Variants in ANKRD13C observed in about 807,000 individuals in gnomAD.
ANKRD13C encodes the protein ankyrin repeat domain-containing protein 13C.
ANKRD13C carries 16 observed loss-of-function variants against 65.5 expected under a neutral mutation model. The observed-to-expected ratio is 0.24, with a 90% CI of 0.17 to 0.37. ANKRD13C has a LOEUF of 0.37. Among genes scored for constraint, ANKRD13C ranks in the 10% least tolerant of loss-of-function variants. ANKRD13C has a pLI of 1.00. For missense variants in ANKRD13C, 503 were observed against 655.9 expected (o/e 0.77, Z 2.55); for synonymous variants, 235 against 238.7 (o/e 0.98, Z 0.14).
chr1:70,354,133 C>A lies in ANKRD13C; in HGVS notation c.276G>T (p.Pro92=). Residue 92 remains proline, a synonymous_variant, in exon 1 of 13, where the codon CCG becomes CCT. Coordinates refer to ENST00000370944, the MANE Select transcript of ANKRD13C (RefSeq NM_030816.5). The part of the protein sequence containing the change: ...NSSVTANSQS[P]ALLAGTNPVA... ...CGGGGTTGGTGCCGGCCAGAAGGGC[C>A]GGGGACTGGGAGTTGGCAGTCACGG... 1 of 1,613,870 alleles carries A rather than the reference C, an allele frequency of 6.2e-7. No individual in the cohort carries two copies. Among genetic ancestry groups the A allele is most frequent in the Non-Finnish European group, 8.5e-7 (1 of 1,179,884 alleles).
In ANKRD13C at chr1:70,270,519, G is replaced by A. The variant is rs537152882; in HGVS notation, c.1495+337C>T. The stretch of plus-strand genomic sequence containing the variant: ...TTTTCCACAGACTGGTGGGGACTGG[G>A]GAGGGCTTTGGAATGAAACTGTTCC... On this transcript the variant is annotated intron_variant, in intron 12 of 12. Coordinates refer to ENST00000370944, the MANE Select transcript of ANKRD13C (RefSeq NM_030816.5). Among the ~76,000 whole-genome samples, 9 of 152,276 alleles carry A rather than the reference G, an allele frequency of 5.9e-5. No individual in the cohort carries two copies. The South Asian group carries it at 1.7e-3, about 28-fold the overall frequency.
At chr1:70,323,247 T>G (rs1009260963) in intron 3 of ANKRD13C, among the ~76,000 whole-genome samples, 1 of 152,184 alleles carries the variant, frequency 6.6e-6, no homozygotes, top group African/African-American at 2.4e-5. Flanking sequence ...AAAGGACAAC[T>G]GTCAGTGTAT....
intron 1 of ANKRD13C, among the ~76,000 whole-genome samples, chr1:70,345,019 A>G (rs192875550): frequency 6.6e-6 from 1 of 152,334 alleles, no homozygotes; most frequent in Admixed American, 6.5e-5. Context: ...TTAACAGAAG[A>G]CAGCAGCTAG....
intron 2 of ANKRD13C, among the ~76,000 whole-genome samples, chr1:70,329,357 C>T (rs867720876): frequency 6.6e-6 from 1 of 151,972 alleles, no homozygotes. Context: ...CCCATCTTTA[C>T]TAAAAATACA....
At chr1:70,309,595 G>A (rs1284387369) in intron 5 of ANKRD13C, among the ~76,000 whole-genome samples, 2 of 149,492 alleles carry the variant, frequency 1.3e-5, no homozygotes, top group African/African-American at 4.9e-5. Context: ...GCGTGGTGGC[G>A]GGCGCCTGTA....
intron 1 of ANKRD13C, among the ~76,000 whole-genome samples, chr1:70,342,318 T>C (rs1039755501): frequency 3.9e-5 from 6 of 151,988 alleles, no homozygotes; most frequent in Non-Finnish European, 8.8e-5. Flanking sequence ...AGTGGGCAGA[T>C]CATGAGGTCA....
chr1:70,291,252 C>G (rs1402409667), intron 9 of ANKRD13C, among the ~76,000 whole-genome samples: 1 of 152,084 alleles, frequency 6.6e-6, no homozygotes, highest in Non-Finnish European at 1.5e-5. Flanking sequence ...AACTCCTGAC[C>G]TCAGGTGATC....
chr1:70,349,444 C>T (rs1410937516), intron 1 of ANKRD13C, among the ~76,000 whole-genome samples: 3 of 151,804 alleles, frequency 2.0e-5, no homozygotes, highest in Non-Finnish European at 4.4e-5. Flanking sequence ...CTTAAACATA[C>T]CTCAAGAAAT....
At chr1:70,317,434 C>T (rs1197202341) in intron 3 of ANKRD13C, among the ~76,000 whole-genome samples, 1 of 152,050 alleles carries the variant, frequency 6.6e-6, no homozygotes, top group Non-Finnish European at 1.5e-5. Flanking sequence ...AAAGACTATT[C>T]TTCCTACTTT....
At chr1:70,318,323 A>G (rs1681156222) in intron 3 of ANKRD13C, among the ~76,000 whole-genome samples, 1 of 152,220 alleles carries the variant, frequency 6.6e-6, no homozygotes. Flanking sequence ...AACTAATTTT[A>G]CTTTCTCCTT....
At chr1:70,268,427 G>T (rs1447865291) in intron 12 of ANKRD13C, among the ~76,000 whole-genome samples, 5 of 152,152 alleles carry the variant, frequency 3.3e-5, no homozygotes. Flanking sequence ...CTCCCAAAGT[G>T]CTGGGATTAC....
At position 70,313,734 on chromosome 1, in the gene ANKRD13C, C is replaced by T. The variant is rs774968206; in HGVS notation, c.709+11G>A. 1.9e-6 allele frequency: 3 copies of T among 1,596,866 alleles called. No homozygotes were observed. The South Asian group carries it at 3.3e-5, about 18-fold the overall frequency. On this transcript the variant is annotated intron_variant, in intron 5 of 12. Transcript: ENST00000370944. The stretch of plus-strand genomic sequence containing the variant: ...GTACATATTTTATACTAAAACATAG[C>T]ATACTCTTACCCCAGCTTTGAAAAT...
chr1:70,328,323 T>C (rs1681637574), intron 2 of ANKRD13C, among the ~76,000 whole-genome samples: 4 of 152,134 alleles, frequency 2.6e-5, no homozygotes, highest in South Asian at 2.1e-4. Flanking sequence ...AGTGATAGAA[T>C]TCATCTGCTC....
At chr1:70,281,441 C>A (rs1679384850) in intron 9 of ANKRD13C, among the ~76,000 whole-genome samples, 1 of 127,734 alleles carries the variant, frequency 7.8e-6, no homozygotes, top group African/African-American at 3.0e-5. Flanking sequence ...CTTGCTCTGT[C>A]ACCTACACTG....
intron 12 of ANKRD13C, among the ~76,000 whole-genome samples, chr1:70,263,793 A>G (rs1435319022): frequency 2.0e-5 from 3 of 152,160 alleles, no homozygotes; most frequent in African/African-American, 7.2e-5. Context: ...TCTATTTAAA[A>G]TAATAATAAT....
rs765136459 is a variant in ANKRD13C at position 70,292,492 on chromosome 1, A to T, written c.1111T>A (p.Ser371Thr). ...CTGAGATGTTCTCTTCTTTTCCTTG[A>T]TTCTAAAACAAGTCCATTCACCAGG... is the stretch of plus-strand genomic sequence containing the variant. ...FYLVNGLVLE[S>T]RKRREHLSEE... Residue 371 changes from serine to threonine, a missense_variant, in exon 9 of 13, where the codon TCA (serine) becomes ACA (threonine). Ser to Thr is a moderately conservative substitution (Grantham distance 58, BLOSUM62 1). Around this residue, in one of 2 missense-constraint regions of ANKRD13C, gnomAD observed 300 missense variants for 478.3 expected, o/e 0.63. Transcript: ENST00000370944. 9 of 1,609,264 alleles carry T rather than the reference A, an allele frequency of 5.6e-6. No individual in the cohort carries two copies. The highest frequency in any genetic ancestry group is 7.6e-6 in the Non-Finnish European group (9 of 1,178,728).
intron 9 of ANKRD13C, among the ~76,000 whole-genome samples, chr1:70,287,138 C>T (rs1038905774): frequency 2.6e-5 from 4 of 151,844 alleles, no homozygotes; most frequent in East Asian, 3.9e-4. Flanking sequence ...AAAATTTACA[C>T]GATAAATTTA....
At chr1:70,336,748 A>G (rs1682055162) in intron 1 of ANKRD13C, among the ~76,000 whole-genome samples, 1 of 152,168 alleles carries the variant, frequency 6.6e-6, no homozygotes, top group Admixed American at 6.6e-5. Context: ...TTTGGGAAAC[A>G]AACAAACAGT....
At chr1:70,304,624 C>G (rs1042650503) in intron 6 of ANKRD13C, among the ~76,000 whole-genome samples, 3 of 152,052 alleles carry the variant, frequency 2.0e-5, no homozygotes, top group Admixed American at 1.3e-4. Flanking sequence ...GTCTCGAACT[C>G]CAGGACTCAA....
Sources: allele counts gnomAD v4.1 joint callset (sites outside exome capture counted in the v4.1 genomes callset), GRCh38; gene constraint gnomAD v4.1.1; regional missense constraint gnomAD v4.1.1; transcripts MANE v1.5; gene names NCBI Gene and HGNC (gene_info 2026-07-23, HGNC 2026-07-21).